Variants in CORIN observed in about 807,000 individuals in gnomAD.
The protein encoded by CORIN is corin, serine peptidase.
A neutral mutation model predicts 125.3 loss-of-function variants in CORIN; 117 were observed. That is an observed-to-expected ratio of 0.93 (90% CI 0.80 to 1.09). CORIN has a LOEUF of 1.09. CORIN is among the 50% of genes least tolerant of loss of function. CORIN has a pLI of 0.00. For synonymous variants in CORIN, 450 were observed against 466.4 expected (o/e 0.96, Z 0.45); for missense variants, 1,253 against 1,306.7 (o/e 0.96, Z 0.63).
In CORIN at chr4:47,786,961, T is replaced by C. The variant is rs770304900; in HGVS notation, c.209-36A>G. 7.2e-6 allele frequency: 10 copies of C among 1,387,202 alleles called. No homozygotes were observed. In the Admixed American group the frequency reaches 1.9e-4, roughly 27 times the overall value. 85.9% of individuals were successfully genotyped at this position (1,387,202 alleles called of 1,614,324 possible). On this transcript the variant is annotated intron_variant, in intron 2 of 21. Transcript: ENST00000273857. ...AAAACAAACACAAAAAAAACCTATC[T>C]TTGAAACATTACTAGAAGTGTTTAT... is the stretch of plus-strand genomic sequence containing the variant.
chr4:47,676,518 G>T (rs1293604205), intron 9 of CORIN, among the ~76,000 whole-genome samples: 3 of 152,098 alleles, frequency 2.0e-5, no homozygotes, highest in African/African-American at 7.3e-5. Context: ...TTGCTGCATG[G>T]TTAAGCATTG....
At chr4:47,669,566 TA>T (rs1724645498) in intron 10 of CORIN, among the ~76,000 whole-genome samples, 1 of 150,922 alleles carries the variant, frequency 6.6e-6, no homozygotes, top group Non-Finnish European at 1.5e-5. Context: ...TATATATATA[TA>T]TATGCTTTTT....
intron 5 of CORIN, among the ~76,000 whole-genome samples, chr4:47,737,340 C>A (rs1728179805): frequency 6.6e-6 from 1 of 152,208 alleles, no homozygotes; most frequent in African/African-American, 2.4e-5. Flanking sequence ...TATGTCTACC[C>A]TTCAAGAATC....
At chr4:47,689,040 T>G (rs1725650781) in intron 6 of CORIN, among the ~76,000 whole-genome samples, 1 of 152,206 alleles carries the variant, frequency 6.6e-6, no homozygotes, top group Non-Finnish European at 1.5e-5. Context: ...GTGCTGCTTT[T>G]AAAATTGTTG....
chr4:47,721,821 T>C (rs896651198), intron 5 of CORIN, among the ~76,000 whole-genome samples: 10 of 152,226 alleles, frequency 6.6e-5, no homozygotes, highest in Non-Finnish European at 1.5e-4. Flanking sequence ...AACACTGTTA[T>C]TATTAAACAC....
chr4:47,814,891 A>G (rs1200654236), intron 1 of CORIN, among the ~76,000 whole-genome samples: 1 of 152,182 alleles, frequency 6.6e-6, no homozygotes, highest in Non-Finnish European at 1.5e-5. Context: ...ACAGCACCAG[A>G]TAGTCCTCTC....
At chr4:47,717,703 C>A (rs899675553) in intron 5 of CORIN, among the ~76,000 whole-genome samples, 4 of 152,110 alleles carry the variant, frequency 2.6e-5, no homozygotes, top group Non-Finnish European at 5.9e-5. Flanking sequence ...GTATTTTAGT[C>A]TTTCATGTTC....
chr4:47,672,443 G>A (rs1724802433), intron 10 of CORIN, among the ~76,000 whole-genome samples: 1 of 152,108 alleles, frequency 6.6e-6, no homozygotes, highest in African/African-American at 2.4e-5. Context: ...CTAATAGTAA[G>A]TGTCATTCCA....
rs773690376 is a variant in CORIN, at chr4:47,594,815, A to G, written c.*906T>C. On this transcript the variant is annotated 3_prime_UTR_variant, in exon 22 of 22. Transcript: ENST00000273857. ...GTAAAACAAAATATTGCCCATAAATATAGATGTAGTTGTTGCAGTCTCAAT... is the reference window on the plus strand; with the variant it reads ...GTAAAACAAAATATTGCCCATAAATGTAGATGTAGTTGTTGCAGTCTCAAT... 3 of 152,206 alleles carry G rather than the reference A, an allele frequency of 2.0e-5. No homozygotes were observed. Among genetic ancestry groups the G allele is most frequent in the Non-Finnish European group, 2.9e-5 (2 of 68,024 alleles). 9.4% of individuals were successfully genotyped at this position (152,206 alleles called of 1,614,324 possible). A position where few individuals can be genotyped will look rare whatever the true frequency, so the allele number is the denominator to read the frequency against.
Position 47,653,563 on chromosome 4 carries a change from C to T in CORIN, c.1833G>A (p.Glu611=). 1 of 1,613,224 alleles carries T rather than the reference C, an allele frequency of 6.2e-7. No homozygotes were observed. The highest frequency in any genetic ancestry group is 8.5e-7 in the Non-Finnish European group (1 of 1,179,208). ...ATTGCACATACATACCACAGTTTTC[C>T]TCATCACTGTCATCGTCACAGTCGG... is the stretch of plus-strand genomic sequence containing the variant. ...GQADCDDDSD[E]ENCGCKERDL... Residue 611 remains glutamate, a synonymous_variant, in exon 13 of 22, where the codon GAG becomes GAA. Transcript: ENST00000273857.
chr4:47,766,391 G>A (rs1244190340), intron 3 of CORIN, among the ~76,000 whole-genome samples: 1 of 151,962 alleles, frequency 6.6e-6, no homozygotes, highest in African/African-American at 2.4e-5. Flanking sequence ...GTAGTAAAGA[G>A]GACAAAGACA....
chr4:47,746,370 T>C (rs1577885484), intron 4 of CORIN, among the ~76,000 whole-genome samples: 1 of 151,904 alleles, frequency 6.6e-6, no homozygotes, highest in Non-Finnish European at 1.5e-5. Context: ...AATATACAAA[T>C]AAGGAAAGAA....
intron 13 of CORIN, among the ~76,000 whole-genome samples, chr4:47,650,867 G>A (rs1402716698): frequency 2.0e-5 from 3 of 151,986 alleles, no homozygotes; most frequent in African/African-American, 4.8e-5. Flanking sequence ...TTCCCATATC[G>A]GATTTGCACA....
chr4:47,628,529 T>C (rs1450915029), intron 16 of CORIN, among the ~76,000 whole-genome samples: 1 of 151,710 alleles, frequency 6.6e-6, no homozygotes, highest in Non-Finnish European at 1.5e-5. Context: ...TTTAGCATCG[T>C]TAACTATAGT....
chr4:47,664,794 C>T (rs1724401378), intron 11 of CORIN, among the ~76,000 whole-genome samples: 1 of 152,144 alleles, frequency 6.6e-6, no homozygotes, highest in African/African-American at 2.4e-5. Context: ...TTGATTAAAA[C>T]ACATAAACTA....
At chr4:47,666,289 C>T (rs897009623) in intron 10 of CORIN, among the ~76,000 whole-genome samples, 1 of 152,212 alleles carries the variant, frequency 6.6e-6, no homozygotes, top group Non-Finnish European at 1.5e-5. Context: ...GCCTCCCCTA[C>T]ACAATCCTGA....
At chr4:47,731,890 T>A (rs1022770681) in intron 5 of CORIN, among the ~76,000 whole-genome samples, 3 of 149,958 alleles carry the variant, frequency 2.0e-5, no homozygotes, top group Non-Finnish European at 4.5e-5. Context: ...AGAAAAAAAA[T>A]TAGCAAATGT....
intron 5 of CORIN, among the ~76,000 whole-genome samples, chr4:47,737,400 T>G (rs1334370468): frequency 1.3e-5 from 2 of 152,164 alleles, no homozygotes; most frequent in Non-Finnish European, 2.9e-5. Context: ...ATCCTTCGGG[T>G]TTTGCCTCAG....
chr4:47,817,687 A>C (rs1732334948), intron 1 of CORIN, among the ~76,000 whole-genome samples: 1 of 152,226 alleles, frequency 6.6e-6, no homozygotes, highest in Admixed American at 6.5e-5. Context: ...AAACTGAAGA[A>C]AGGCTGCCCC....
Sources: gnomAD v4.1 joint callset for allele counts (sites outside exome capture counted in the v4.1 genomes callset) on GRCh38, gnomAD v4.1.1 for gene constraint, MANE v1.5 for transcripts, NCBI Gene and HGNC (gene_info 2026-07-23, HGNC 2026-07-21) for gene names.